The following UST variants were observed in gnomAD, a reference collection of about 807,000 sequenced individuals.
UST encodes the protein uronyl 2-sulfotransferase, also known as chondroitin sulfate 2-O-sulfotransferase.
Under a neutral mutation model 45.6 loss-of-function variants are expected in UST, and 21 were observed. That is an observed-to-expected ratio of 0.46 (90% CI 0.33 to 0.66). UST has a LOEUF of 0.66. Ranked by LOEUF, UST falls within the 30% of genes least tolerant of loss-of-function variation. The pLI, the probability that UST is intolerant of heterozygous loss-of-function variation, is 0.02. For missense variants in UST, 463 were observed against 512.4 expected (o/e 0.90, Z 0.93); for synonymous variants, 215 against 200.6 (o/e 1.07, Z -0.61).
At position 148,790,698 on chromosome 6, in the gene UST, C is replaced by T. The variant is rs573455656; in HGVS notation, c.247+43021C>T. ...TGCCCCGTGTGGAAGGAAACCTCCT[C>T]GCCCAAGGTTATGCCTCTCCTCTCG... On this transcript the variant is annotated intron_variant, in intron 1 of 7. Coordinates refer to ENST00000367463, the MANE Select transcript of UST (RefSeq NM_005715.3). The surrounding 1 kb of genome is among the most constrained non-coding windows in gnomAD (Gnocchi z 4.2). Among the ~76,000 whole-genome samples the T allele has an allele frequency of 2.8e-4, 43 of 152,258 alleles. No individual in the cohort carries two copies. Among genetic ancestry groups the T allele is most frequent in the African/African-American group, 9.4e-4 (39 of 41,548 alleles).
Position 148,855,678 on chromosome 6 carries a change from A to G in UST, c.248-31308A>G, listed in dbSNP as rs539926932. Reference sequence around the variant, plus strand: ...TTCATCTTTCCATGCACTTGCACACAGGTAGAAATCTGCATTTTTTCACCT... The same window carrying G: ...TTCATCTTTCCATGCACTTGCACACGGGTAGAAATCTGCATTTTTTCACCT... On this transcript the variant is annotated intron_variant, in intron 1 of 7. Coordinates refer to ENST00000367463, the MANE Select transcript of UST (RefSeq NM_005715.3). 3.9e-5 allele frequency among the ~76,000 whole-genome samples: 6 copies of G among 152,368 alleles called. No individual in the cohort carries two copies. The South Asian group carries it at 1.2e-3, about 32-fold the overall frequency.
chr6:148,870,394 C>T (rs1478458412), intron 1 of UST, among the ~76,000 whole-genome samples: 2 of 152,208 alleles, frequency 1.3e-5, no homozygotes, highest in African/African-American at 2.4e-5. Context: ...GCCCCAATCC[C>T]TTTGGCATCT....
chr6:148,762,833 T>A (rs1445853504), intron 1 of UST, among the ~76,000 whole-genome samples: 4 of 152,168 alleles, frequency 2.6e-5, no homozygotes, highest in African/African-American at 7.2e-5. Flanking sequence ...AGGACAATGG[T>A]CTTCAGCTCC....
At chr6:149,056,213 C>T (rs936497419) in intron 7 of UST, among the ~76,000 whole-genome samples, 4 of 122,294 alleles carry the variant, frequency 3.3e-5, no homozygotes, top group African/African-American at 1.2e-4. Flanking sequence ...CTCCCGGGTT[C>T]AAGCGACTCT....
chr6:148,805,295 C>T (rs1297180991), intron 1 of UST, among the ~76,000 whole-genome samples: 1 of 152,078 alleles, frequency 6.6e-6, no homozygotes, highest in Non-Finnish European at 1.5e-5. Flanking sequence ...CTGTTTGTTA[C>T]GTTGTGTAGA....
chr6:148,864,251 T>A (rs956924043), intron 1 of UST, among the ~76,000 whole-genome samples: 1 of 152,218 alleles, frequency 6.6e-6, no homozygotes, highest in Non-Finnish European at 1.5e-5. Flanking sequence ...TTCGATCTCA[T>A]ACTGCTGTGC....
At chr6:148,750,653 C>G (rs953395959) in intron 1 of UST, among the ~76,000 whole-genome samples, 1 of 152,150 alleles carries the variant, frequency 6.6e-6, no homozygotes, top group African/African-American at 2.4e-5. Context: ...TGGCTAAAAA[C>G]GATCCATCAC....
intron 1 of UST, among the ~76,000 whole-genome samples, chr6:148,839,094 A>C (rs1696140072): frequency 6.6e-6 from 1 of 152,182 alleles, no homozygotes; most frequent in Admixed American, 6.5e-5. Context: ...AATCTGGCAA[A>C]ATGTGGATTC....
At chr6:148,810,441 G>C (rs1401452207) in intron 1 of UST, among the ~76,000 whole-genome samples, 1 of 152,174 alleles carries the variant, frequency 6.6e-6, no homozygotes, top group Non-Finnish European at 1.5e-5. Flanking sequence ...AATAAGTATT[G>C]TATGTAGATA....
chr6:148,913,362 T>G (rs1485192784), intron 2 of UST, among the ~76,000 whole-genome samples: 1 of 148,266 alleles, frequency 6.7e-6, no homozygotes, highest in Non-Finnish European at 1.5e-5. Flanking sequence ...TCCAGGACTG[T>G]GTAAAACATT....
At position 148,792,708 on chromosome 6, in the gene UST, A is replaced by G. The variant is rs1237665156; in HGVS notation, c.247+45031A>G. Among the ~76,000 whole-genome samples the G allele has an allele frequency of 2.6e-5, 4 of 152,294 alleles. No homozygotes were observed. In the East Asian group the frequency reaches 7.7e-4, roughly 29 times the overall value. On this transcript the variant is annotated intron_variant, in intron 1 of 7. Transcript: ENST00000367463. ...CTGGGATCTATTTTAAAACTCCTAT[A>G]TGTGGGGAGAGACAAATTTAATGTT...
intron 5 of UST, among the ~76,000 whole-genome samples, chr6:148,967,714 G>C (rs1266856259): frequency 6.6e-6 from 1 of 152,182 alleles, no homozygotes; most frequent in African/African-American, 2.4e-5. Context: ...CATGCCCACA[G>C]GGTCTTGGTT....
chr6:148,955,157 C>T (rs1230134172), intron 4 of UST, among the ~76,000 whole-genome samples: 1 of 152,202 alleles, frequency 6.6e-6, no homozygotes, highest in African/African-American at 2.4e-5. Context: ...ACGAGAGCAC[C>T]AAAGGACCCA....
chr6:148,784,178 C>T (rs1227399155), intron 1 of UST, among the ~76,000 whole-genome samples: 1 of 152,018 alleles, frequency 6.6e-6, no homozygotes, highest in Non-Finnish European at 1.5e-5. Flanking sequence ...ATTTCACTCA[C>T]TATGAAAAAG....
At chr6:149,051,932 T>C (rs865999871) in intron 7 of UST, among the ~76,000 whole-genome samples, 1 of 152,226 alleles carries the variant, frequency 6.6e-6, no homozygotes, top group South Asian at 2.1e-4. Context: ...GGGGAAAATA[T>C]GTGAAACATC....
chr6:148,803,874 T>A (rs1777099110), intron 1 of UST, among the ~76,000 whole-genome samples: 1 of 152,180 alleles, frequency 6.6e-6, no homozygotes, highest in Admixed American at 6.5e-5. Flanking sequence ...AGTCTGACAT[T>A]ACTTAACCCC....
chr6:148,901,012 T>C (rs1409327613), intron 2 of UST, among the ~76,000 whole-genome samples: 3 of 152,250 alleles, frequency 2.0e-5, no homozygotes, highest in Non-Finnish European at 4.4e-5. Context: ...TGTGATTACA[T>C]TGGACTCACC....
chr6:148,997,567 G>C (rs143934807), intron 5 of UST, among the ~76,000 whole-genome samples: 43,635 of 151,580 alleles, frequency 0.29, 6,385 homozygotes, highest in African/African-American at 0.36. Flanking sequence ...TTATATGCAG[G>C]TACATCTTAG....
intron 1 of UST, among the ~76,000 whole-genome samples, chr6:148,772,994 ATATTCT>A (rs1303225259): frequency 3.3e-5 from 5 of 152,186 alleles, no homozygotes; most frequent in African/African-American, 4.8e-5. Context: ...AAGTCTTGAC[ATATTCT>A]TATTCTAGGC....
Sources: allele counts gnomAD v4.1 joint callset (sites outside exome capture counted in the v4.1 genomes callset), GRCh38; gene constraint gnomAD v4.1.1; non-coding constraint Gnocchi (gnomAD v3.1); transcripts MANE v1.5; gene names NCBI Gene and HGNC (gene_info 2026-07-23, HGNC 2026-07-21).